The following ULK4 variants were observed in gnomAD, a reference collection of about 807,000 sequenced individuals.
ULK4 encodes the protein unc-51 like kinase 4.
A neutral mutation model predicts 160.6 loss-of-function variants in ULK4; 133 were observed. The observed-to-expected ratio is 0.83, with a 90% CI of 0.72 to 0.96. The LOEUF (loss-of-function observed/expected upper bound fraction) is 0.96, where lower values mean the gene tolerates loss of function less well. Ranked by LOEUF, ULK4 falls within the 40% of genes least tolerant of loss-of-function variation. The probability of loss-of-function intolerance (pLI) is 0.00; values close to 1 mark genes in which losing one functional copy is unlikely to be tolerated. For missense variants in ULK4, 1,580 were observed against 1,499.5 expected (o/e 1.05, Z -0.89); for synonymous variants, 534 against 539.8 (o/e 0.99, Z 0.15).
intron 30 of ULK4, among the ~76,000 whole-genome samples, chr3:41,656,233 G>C (rs1050842199): frequency 6.6e-6 from 1 of 152,004 alleles, no homozygotes; most frequent in African/African-American, 2.4e-5. Flanking sequence ...CGGGGGGAAA[G>C]AAGGAACACT....
At chr3:41,623,634 T>C (rs903339804) in intron 30 of ULK4, among the ~76,000 whole-genome samples, 3 of 152,190 alleles carry the variant, frequency 2.0e-5, no homozygotes, top group Non-Finnish European at 2.9e-5. Flanking sequence ...ATTTCACTTA[T>C]ATGTAGACTC....
chr3:41,957,714 GA>G (rs781189734), intron 1 of ULK4, among the ~76,000 whole-genome samples: 108 of 132,934 alleles, frequency 8.1e-4, no homozygotes, highest in Middle Eastern at 7.8e-3. Flanking sequence ...CCATGTCTCA[GA>G]AAAAAAAAAA....
At chr3:41,699,059 C>A (rs1224316344) in intron 27 of ULK4, among the ~76,000 whole-genome samples, 2 of 152,076 alleles carry the variant, frequency 1.3e-5, no homozygotes, top group African/African-American at 4.8e-5. Flanking sequence ...TGGATGGTTT[C>A]CAGTTTGGAG....
intron 35 of ULK4, among the ~76,000 whole-genome samples, chr3:41,293,577 G>C (rs1039551013): frequency 6.6e-6 from 1 of 152,164 alleles, no homozygotes; most frequent in African/African-American, 2.4e-5. Context: ...TTAGGAGCCT[G>C]AGCTTTGTAG....
intron 35 of ULK4, among the ~76,000 whole-genome samples, chr3:41,274,198 T>C (rs942004531): frequency 3.3e-5 from 5 of 152,074 alleles, no homozygotes; most frequent in Non-Finnish European, 7.4e-5. Flanking sequence ...AAAGCCATTG[T>C]TTTCTGTATT....
At chr3:41,389,327 T>C (rs1442787325) in intron 35 of ULK4, among the ~76,000 whole-genome samples, 2 of 152,160 alleles carry the variant, frequency 1.3e-5, no homozygotes, top group Non-Finnish European at 2.9e-5. Flanking sequence ...ACAGGGACAA[T>C]TTGACTTCCT....
chr3:41,696,429 G>A (rs373555657), intron 27 of ULK4, among the ~76,000 whole-genome samples: 81 of 152,284 alleles, frequency 5.3e-4, no homozygotes, highest in Middle Eastern at 6.8e-3. Context: ...CAGTGGACAC[G>A]TGACCCACGT....
chr3:41,389,032 G>T (rs923564788), intron 35 of ULK4, among the ~76,000 whole-genome samples: 2 of 151,742 alleles, frequency 1.3e-5, no homozygotes, highest in African/African-American at 2.4e-5. Flanking sequence ...CCATTTCTTT[G>T]TATCCTCTTT....
chr3:41,826,254 C>T (rs773668534), intron 18 of ULK4, among the ~76,000 whole-genome samples: 36 of 152,078 alleles, frequency 2.4e-4, no homozygotes, highest in Non-Finnish European at 4.7e-4. Flanking sequence ...AATCAACTAA[C>T]GAGCAAAATA....
intron 35 of ULK4, among the ~76,000 whole-genome samples, chr3:41,337,232 T>C: frequency 6.6e-6 from 1 of 152,222 alleles, no homozygotes; most frequent in East Asian, 1.9e-4. Context: ...TACTTTATAA[T>C]ATACATTATA....
rs371920293 is a variant in ULK4, at chr3:41,305,661, G to A, written c.3679-56087C>T. 7.4e-4 allele frequency among the ~76,000 whole-genome samples: 112 copies of A among 152,046 alleles called. 8 individuals are homozygous for A. The South Asian group carries it at 0.023, about 31-fold the overall frequency. ...TGCCACCCCGTCTGGGAAGTGAGGA[G>A]CGTCTCTGCCTGGCCGCCCATCGTC... is the stretch of plus-strand genomic sequence containing the variant. On this transcript the variant is annotated intron_variant, in intron 35 of 36. Coordinates refer to ENST00000301831, the MANE Select transcript of ULK4 (RefSeq NM_017886.4).
chr3:41,280,375 C>T (rs1186121270), intron 35 of ULK4, among the ~76,000 whole-genome samples: 1 of 152,140 alleles, frequency 6.6e-6, no homozygotes, highest in Non-Finnish European at 1.5e-5. Flanking sequence ...AGTACCACAT[C>T]ACACTTATTC....
intron 32 of ULK4, among the ~76,000 whole-genome samples, chr3:41,524,774 T>TAAAATAC (rs1331447523): frequency 2.0e-5 from 3 of 151,826 alleles, no homozygotes; most frequent in African/African-American, 7.3e-5. Context: ...CCCGTCTCTA[T>TAAAATAC]AAAATACAAA....
chr3:41,303,006 A>G (rs1169479449), intron 35 of ULK4, among the ~76,000 whole-genome samples: 1 of 152,240 alleles, frequency 6.6e-6, no homozygotes, highest in Non-Finnish European at 1.5e-5. Context: ...AGACTAGAAG[A>G]CAGAATTGTG....
chr3:41,404,043 GA>G (rs35924329), intron 34 of ULK4, among the ~76,000 whole-genome samples: 4 of 150,256 alleles, frequency 2.7e-5, no homozygotes, highest in South Asian at 2.1e-4. Context: ...ATGGGCACTG[GA>G]AAAAAAAATG....
intron 11 of ULK4, among the ~76,000 whole-genome samples, chr3:41,909,505 A>G (rs1327306395): frequency 6.6e-6 from 1 of 152,112 alleles, no homozygotes; most frequent in Non-Finnish European, 1.5e-5. Flanking sequence ...TGAGCTCAGG[A>G]GTTCGAGGCC....
At position 41,676,607 on chromosome 3, in the gene ULK4, T is replaced by A. The variant is rs1164255066; in HGVS notation, c.2978+4901A>T. Reference sequence around the variant, plus strand: ...AACTTCTTCAGTTAAAAAAAAAAAATTCTGAAATTCTTGGAACTGTCAGAG... The same window carrying A: ...AACTTCTTCAGTTAAAAAAAAAAAAATCTGAAATTCTTGGAACTGTCAGAG... On this transcript the variant is annotated intron_variant, in intron 29 of 36. Transcript: ENST00000301831. Among the ~76,000 whole-genome samples the A allele has an allele frequency of 9.2e-5, 14 of 151,906 alleles. No homozygotes were observed. The East Asian group carries it at 2.5e-3, about 27-fold the overall frequency.
rs372857726 is a variant in ULK4 at position 41,590,490 on chromosome 3, G to C, written c.3121-24360C>G. On this transcript the variant is annotated intron_variant, in intron 31 of 36. Coordinates refer to ENST00000301831, the MANE Select transcript of ULK4 (RefSeq NM_017886.4). ...AAAAAAAAAAAAAAAAAAAAAATTA[G>C]CCGGGCATGGTGGTGTACGCCTGTA... is the stretch of plus-strand genomic sequence containing the variant. Among the ~76,000 whole-genome samples, 354 of 127,640 alleles carry C rather than the reference G, an allele frequency of 2.8e-3. 1 individual carries two copies. The highest frequency in any genetic ancestry group is 9.7e-3 in the African/African-American group (318 of 32,728). The allele number at this position is 127,640 out of a possible 152,430, so 83.7% of individuals were successfully genotyped here.
chr3:41,386,777 G>A (rs2081822161), intron 35 of ULK4, among the ~76,000 whole-genome samples: 1 of 152,136 alleles, frequency 6.6e-6, no homozygotes, highest in Non-Finnish European at 1.5e-5. Flanking sequence ...CCGCAAGTAA[G>A]GATGAAAGTA....
Sources: gnomAD v4.1 joint callset for allele counts (sites outside exome capture counted in the v4.1 genomes callset) on GRCh38, gnomAD v4.1.1 for gene constraint, MANE v1.5 for transcripts, NCBI Gene and HGNC (gene_info 2026-07-23, HGNC 2026-07-21) for gene names.